Variants in RP1 observed in about 807,000 individuals in gnomAD.
The protein encoded by RP1 is RP1 axonemal microtubule associated.
Under a neutral mutation model 14.8 loss-of-function variants are expected in RP1, and 16 were observed. That is an observed-to-expected ratio of 1.08 (90% CI 0.73 to 1.65). RP1 has a LOEUF of 1.65. RP1 is among the 40% of genes most tolerant of loss of function. RP1 has a pLI of 0.00. For synonymous variants in RP1, 876 were observed against 883.6 expected (o/e 0.99, Z 0.15); for missense variants, 2,631 against 2,535.0 (o/e 1.04, Z -0.81).
At chr8:54,730,015 G>T (rs936565627) in intron 17 of RP1, among the ~76,000 whole-genome samples, 1 of 151,712 alleles carries the variant, frequency 6.6e-6, no homozygotes, top group African/African-American at 2.4e-5. Context: ...ATTATATATT[G>T]TAAAGGTAGT....
chr8:54,783,694 C>A, exon 24 of RP1: 4 of 1,231,068 alleles, frequency 3.2e-6, no homozygotes, highest in Non-Finnish European at 4.1e-6. Flanking sequence ...AACCCTAACA[C>A]TGCAGATATA....
At chr8:54,842,095 A>C (rs1811802063) in intron 25 of RP1, among the ~76,000 whole-genome samples, 1 of 152,196 alleles carries the variant, frequency 6.6e-6, no homozygotes, top group African/African-American at 2.4e-5. Flanking sequence ...AGCTAAATTA[A>C]AAAAAGGACA....
intron 15 of RP1, among the ~76,000 whole-genome samples, chr8:54,709,925 T>C (rs1808256067): frequency 6.6e-6 from 1 of 152,166 alleles, no homozygotes; most frequent in African/African-American, 2.4e-5. Context: ...CTGAAACTCC[T>C]GGAGTGCAAC....
intron 1 of RP1, among the ~76,000 whole-genome samples, chr8:54,565,659 G>C (rs1256053832): frequency 6.6e-6 from 1 of 152,152 alleles, no homozygotes; most frequent in African/African-American, 2.4e-5. Flanking sequence ...TGTGGTTAGG[G>C]TATGTGAGAA....
chr8:54,641,324 T>G (rs920994304), intron 3 of RP1, among the ~76,000 whole-genome samples: 3 of 152,162 alleles, frequency 2.0e-5, no homozygotes, highest in African/African-American at 7.2e-5. Context: ...CTGTTTCTTT[T>G]TATTGTTATG....
At chr8:54,663,273 C>T (rs1806940497) in intron 6 of RP1, among the ~76,000 whole-genome samples, 1 of 151,910 alleles carries the variant, frequency 6.6e-6, no homozygotes, top group Non-Finnish European at 1.5e-5. Context: ...CCTCAAAGTG[C>T]AAGAACAGTG....
intron 3 of RP1, among the ~76,000 whole-genome samples, chr8:54,637,754 T>G (rs1354159378): frequency 6.6e-6 from 1 of 152,216 alleles, no homozygotes; most frequent in East Asian, 1.9e-4. Context: ...AATATTTTCC[T>G]CAGCTGAGCC....
chr8:54,855,621 G>C (rs1348997627), intron 26 of RP1, among the ~76,000 whole-genome samples: 1 of 152,172 alleles, frequency 6.6e-6, no homozygotes, highest in East Asian at 1.9e-4. Context: ...TGCAGACTGT[G>C]TATAGAAAAC....
At chr8:54,823,891 T>C (rs1316903642) in intron 24 of RP1, among the ~76,000 whole-genome samples, 1 of 152,252 alleles carries the variant, frequency 6.6e-6, no homozygotes, top group Admixed American at 6.5e-5. Context: ...TGTACTATTT[T>C]ATCTCCATCA....
chr8:54,610,774 A>G lies in RP1; in HGVS notation c.-12-10181A>G, dbSNP rs181867323. On this transcript the variant is annotated intron_variant, in intron 1 of 22. Transcript: ENST00000636932. The stretch of plus-strand genomic sequence containing the variant: ...AAATGCTGTCACATCCACAGCAGCT[A>G]TCTTGGTCTGAGTAATCCTCACTTC... Among the ~76,000 whole-genome samples the G allele has an allele frequency of 3.9e-5, 6 of 152,334 alleles. No individual in the cohort carries two copies. In the East Asian group the frequency reaches 1.2e-3, roughly 29 times the overall value.
At chr8:54,867,224 A>T (rs925247392) in intron 28 of RP1, among the ~76,000 whole-genome samples, 18 of 152,176 alleles carry the variant, frequency 1.2e-4, no homozygotes, top group African/African-American at 3.9e-4. Flanking sequence ...GATTCTAGGA[A>T]ATAGTCATTC....
chr8:54,586,882 G>A (rs1804940244), intron 1 of RP1, among the ~76,000 whole-genome samples: 1 of 152,192 alleles, frequency 6.6e-6, no homozygotes, highest in South Asian at 2.1e-4. Context: ...AATTTTCCAG[G>A]TGCCGTCTGT....
chr8:54,706,804 C>A lies in RP1; in HGVS notation c.2211+149C>A, dbSNP rs940798930. On this transcript the variant is annotated intron_variant, in intron 15 of 22. Transcript: ENST00000636932. Reference sequence around the variant, plus strand: ...TGGTATTTTTAATAAGTGAGGAGAGCAGCCACATGCCTGGTATGATAAGAG... The same window carrying A: ...TGGTATTTTTAATAAGTGAGGAGAGAAGCCACATGCCTGGTATGATAAGAG... 10 of 750,816 alleles carry A rather than the reference C, an allele frequency of 1.3e-5. No homozygotes were observed. In the African/African-American group the frequency reaches 1.6e-4, roughly 12 times the overall value. 46.5% of individuals were successfully genotyped at this position (750,816 alleles called of 1,614,324 possible). A position where few individuals can be genotyped will look rare whatever the true frequency, so the allele number is the denominator to read the frequency against.
chr8:54,750,747 C>T (rs1487439021), intron 19 of RP1, among the ~76,000 whole-genome samples: 2 of 133,026 alleles, frequency 1.5e-5, no homozygotes, highest in South Asian at 5.0e-4. Context: ...CTGTACCTAA[C>T]AAGAGGATTG....
chr8:54,661,441 T>G (rs1021615899), intron 6 of RP1, among the ~76,000 whole-genome samples: 45 of 151,406 alleles, frequency 3.0e-4, no homozygotes, highest in African/African-American at 9.4e-4. Flanking sequence ...ATTGTTCCAC[T>G]GCATTCCAGC....
intron 17 of RP1, among the ~76,000 whole-genome samples, chr8:54,730,020 G>A (rs1405711109): frequency 6.6e-6 from 1 of 151,846 alleles, no homozygotes; most frequent in Non-Finnish European, 1.5e-5. Context: ...ATATTGTAAA[G>A]GTAGTGTAAG....
intron 19 of RP1, among the ~76,000 whole-genome samples, chr8:54,742,475 G>A (rs1175440370): frequency 2.0e-5 from 3 of 152,154 alleles, no homozygotes; most frequent in Non-Finnish European, 4.4e-5. Context: ...ATAATGAAAT[G>A]TTTTCTAATA....
chr8:54,638,240 C>T (rs1473689690), intron 3 of RP1, among the ~76,000 whole-genome samples: 12 of 152,094 alleles, frequency 7.9e-5, no homozygotes, highest in African/African-American at 1.4e-4. Context: ...GAGTTCGAGA[C>T]GAGCCTCGGC....
intron 24 of RP1, among the ~76,000 whole-genome samples, chr8:54,797,972 T>C (rs1810615748): frequency 6.6e-6 from 1 of 151,204 alleles, no homozygotes; most frequent in African/African-American, 2.4e-5. Context: ...TAGAACTGGC[T>C]ATACATATAG....
Sources: allele counts gnomAD v4.1 joint callset (sites outside exome capture counted in the v4.1 genomes callset), GRCh38; gene constraint gnomAD v4.1.1; transcripts MANE v1.5; gene names NCBI Gene and HGNC (gene_info 2026-07-23, HGNC 2026-07-21).